ZNRF3: variants seen among roughly 807,000 people sequenced by gnomAD.
ZNRF3 encodes zinc and ring finger 3, also known as E3 ubiquitin-protein ligase ZNRF3.
In ZNRF3, 23 loss-of-function variants were observed where a neutral mutation model predicts 72.5. The observed-to-expected ratio is 0.32, with a 90% CI of 0.23 to 0.45. ZNRF3 has a LOEUF of 0.45. ZNRF3 is among the 20% of genes least tolerant of loss of function. The pLI, the probability that ZNRF3 is intolerant of heterozygous loss-of-function variation, is 1.00. For missense variants in ZNRF3, 1,169 were observed against 1,272.1 expected, an observed-to-expected ratio of 0.92 and a Z score of 1.23; for synonymous variants, 610 against 545.3, an observed-to-expected ratio of 1.12 and a Z score of -1.65.
At chr22:29,036,540 ATC>A (rs1359340890) in intron 2 of ZNRF3, among the ~76,000 whole-genome samples, 1 of 152,184 alleles carries the variant, frequency 6.6e-6, no homozygotes, top group Non-Finnish European at 1.5e-5. Flanking sequence ...CAGAAATTAA[ATC>A]TGTTGACAAA....
At position 28,886,254 on chromosome 22, in the gene ZNRF3, T is replaced by C. The variant is rs565724351; in HGVS notation, c.300+2188T>C. Among the ~76,000 whole-genome samples, 3 of 152,344 alleles carry C rather than the reference T, an allele frequency of 2.0e-5. No individual in the cohort carries two copies. The South Asian group carries it at 6.2e-4, about 32-fold the overall frequency. On this transcript the variant is annotated intron_variant, in intron 1 of 8. Transcript: ENST00000544604. Reference sequence around the variant, plus strand: ...TGATTGAAGGAATTGGTGTGGACCTTGTCTGGCAGCCCTGAAAAAGTTTTT... The same window carrying C: ...TGATTGAAGGAATTGGTGTGGACCTCGTCTGGCAGCCCTGAAAAAGTTTTT...
chr22:28,948,843 G>A (rs1243169290), intron 1 of ZNRF3, among the ~76,000 whole-genome samples: 3 of 152,170 alleles, frequency 2.0e-5, no homozygotes, highest in Non-Finnish European at 4.4e-5. Flanking sequence ...CATTTTGAAT[G>A]GATCTTTTAC....
At chr22:28,999,690 G>T (rs982221998) in intron 2 of ZNRF3, among the ~76,000 whole-genome samples, 37 of 152,310 alleles carry the variant, frequency 2.4e-4, no homozygotes, top group African/African-American at 8.9e-4. Flanking sequence ...ACTCGAGTGC[G>T]TTGCAGGTTG....
Position 29,015,713 on chromosome 22 carries a change from C to T in ZNRF3, c.427-26782C>T, listed in dbSNP as rs538847607. On this transcript the variant is annotated intron_variant, in intron 2 of 8. Transcript: ENST00000544604. ...TCCTTCCAGACTTCTTTCCCTCTCC[C>T]GTGGTTTTAGGAAGGGAAGGACAGC... is the stretch of plus-strand genomic sequence containing the variant. 6.6e-5 allele frequency among the ~76,000 whole-genome samples: 10 copies of T among 151,390 alleles called. 1 individual carries two copies. In the South Asian group the frequency reaches 8.4e-4, roughly 13 times the overall value.
chr22:28,968,408 A>T (rs1245103938), intron 1 of ZNRF3, among the ~76,000 whole-genome samples: 1 of 152,166 alleles, frequency 6.6e-6, no homozygotes, highest in Non-Finnish European at 1.5e-5. Flanking sequence ...CCTAAAACAT[A>T]CATTTAAAAG....
At chr22:28,961,043 T>G (rs1264599044) in intron 1 of ZNRF3, among the ~76,000 whole-genome samples, 2 of 152,224 alleles carry the variant, frequency 1.3e-5, no homozygotes, top group African/African-American at 4.8e-5. Flanking sequence ...AACTGGGTGA[T>G]TCATAAAAGA....
chr22:29,003,131 A>G (rs1345332429), intron 2 of ZNRF3, among the ~76,000 whole-genome samples: 2 of 152,196 alleles, frequency 1.3e-5, no homozygotes, highest in Admixed American at 1.3e-4. Flanking sequence ...TATCATGATT[A>G]TGTTTTTAAA....
intron 2 of ZNRF3, chr22:29,026,636 C>T (rs2036642131): frequency 6.6e-6 from 1 of 152,190 alleles, no homozygotes; most frequent in Admixed American, 6.5e-5. Flanking sequence ...GGCATGGAGG[C>T]CAAAGGCCTG....
chr22:29,048,530 G>C lies in ZNRF3; in HGVS notation c.1015+39G>C. ...GCCTTAGCCATTGCTGAAGAGTCAA[G>C]TGCCTAGCTAGAGTGTGACACACAC... On this transcript the variant is annotated intron_variant, in intron 7 of 8. Coordinates refer to ENST00000544604, the MANE Select transcript of ZNRF3 (RefSeq NM_001206998.2). This position sits in a 1 kb window ranked among gnomAD's most constrained non-coding sequence, Gnocchi z 4.9. 1 of 1,594,930 alleles carries C rather than the reference G, an allele frequency of 6.3e-7. No homozygotes were observed.
chr22:28,985,195 C>A (rs2035834478), intron 1 of ZNRF3, among the ~76,000 whole-genome samples: 1 of 152,220 alleles, frequency 6.6e-6, no homozygotes, highest in South Asian at 2.1e-4. Context: ...AAAATAACTT[C>A]TTTCAGTGCA....
chr22:28,943,679 G>T (rs114433414), intron 1 of ZNRF3, among the ~76,000 whole-genome samples: 3 of 152,010 alleles, frequency 2.0e-5, no homozygotes, highest in Non-Finnish European at 2.9e-5. Flanking sequence ...ACACACATGG[G>T]GGGGGAGGGG....
At chr22:29,016,026 A>C (rs1003514728) in intron 2 of ZNRF3, among the ~76,000 whole-genome samples, 6 of 143,060 alleles carry the variant, frequency 4.2e-5, no homozygotes, top group Non-Finnish European at 7.6e-5. Flanking sequence ...AAAAAAAAAA[A>C]AAACAAAAAA....
chr22:28,891,998 T>C (rs2033896470), intron 1 of ZNRF3, among the ~76,000 whole-genome samples: 1 of 152,228 alleles, frequency 6.6e-6, no homozygotes, highest in Non-Finnish European at 1.5e-5. Context: ...TTTTCTGGCA[T>C]TTAAAGGGAT....
rs758423360 is a variant in ZNRF3, at chr22:29,050,109, G to C, written c.1928G>C (p.Arg643Pro). 2 of 1,607,854 alleles carry C rather than the reference G, an allele frequency of 1.2e-6. No individual in the cohort carries two copies. The highest frequency in any genetic ancestry group is 1.7e-6 in the Non-Finnish European group (2 of 1,179,652). ...GCGGTGCACAGTCATGGTGCTGGGC[G>C]GGGCGAGCCTTGGCCGGGCCCTGCC... is the stretch of plus-strand genomic sequence containing the variant. ...LPAVHSHGAG[R>P]GEPWPGPASP... Residue 643 changes from arginine to proline, a missense_variant, in exon 8 of 9, where the codon CGG becomes CCG. This residue lies in a region of ZNRF3 where 783 missense variants were observed against 731.4 expected (regional missense o/e 1.07). Coordinates refer to ENST00000544604, the MANE Select transcript of ZNRF3 (RefSeq NM_001206998.2).
rs766270370 is a variant in ZNRF3, at chr22:28,987,132, C to T, written c.357C>T (p.Gly119=). 1 of 1,613,784 alleles carries T rather than the reference C, an allele frequency of 6.2e-7. No homozygotes were observed. Among genetic ancestry groups the T allele is most frequent in the Non-Finnish European group, 8.5e-7 (1 of 1,179,938 alleles). Residue 119 remains glycine (G), a synonymous_variant, in exon 2 of 9, where the codon GGC becomes GGT. Transcript: ENST00000544604. ...ACGAAGAGGACTTGTATGAATATGG[C>T]TGGGTAGGAGTGGTGAAGCTGGAAC... ...NNDEEDLYEY[G]WVGVVKLEQP...
chr22:29,004,489 C>T (rs1241393667), intron 2 of ZNRF3, among the ~76,000 whole-genome samples: 2 of 152,190 alleles, frequency 1.3e-5, no homozygotes, highest in Admixed American at 1.3e-4. Context: ...GCAGCAGAAT[C>T]TGGGCATCCC....
At chr22:28,950,103 T>G (rs759070132) in intron 1 of ZNRF3, among the ~76,000 whole-genome samples, 2 of 152,254 alleles carry the variant, frequency 1.3e-5, no homozygotes, top group African/African-American at 2.4e-5. Context: ...CAGTTTGGTG[T>G]CACTGCTGTA....
At chr22:28,967,703 G>A (rs1361359278) in intron 1 of ZNRF3, among the ~76,000 whole-genome samples, 1 of 151,876 alleles carries the variant, frequency 6.6e-6, no homozygotes, top group African/African-American at 2.4e-5. Flanking sequence ...GAGGTGGGTG[G>A]ATCACTTGAG....
At chr22:28,939,283 C>CAAAAAAAAAAA (rs132557) in intron 1 of ZNRF3, among the ~76,000 whole-genome samples, 1 of 128,602 alleles carries the variant, frequency 7.8e-6, no homozygotes. Flanking sequence ...GGCTCTATCT[C>CAAAAAAAAAAA]AAAAAAAAAA....
Sources: gnomAD v4.1 joint callset for allele counts (sites outside exome capture counted in the v4.1 genomes callset) on GRCh38, gnomAD v4.1.1 for gene constraint, gnomAD v4.1.1 regional missense constraint, Gnocchi (gnomAD v3.1) non-coding constraint, MANE v1.5 for transcripts, NCBI Gene and HGNC (gene_info 2026-07-23, HGNC 2026-07-21) for gene names.